The following MINDY1 variants were observed in gnomAD, a reference collection of about 807,000 sequenced individuals.
MINDY1 encodes the protein MINDY lysine 48 deubiquitinase 1, also known as ubiquitin carboxyl-terminal hydrolase MINDY-1.
In MINDY1, 50 loss-of-function variants were observed where a neutral mutation model predicts 53.6. The observed-to-expected ratio is 0.93, with a 90% CI of 0.74 to 1.18. The LOEUF (loss-of-function observed/expected upper bound fraction) is 1.18, where lower values mean the gene tolerates loss of function less well. Ranked by LOEUF, MINDY1 falls within the 50% of genes most tolerant of loss-of-function variation. The pLI is 0.00. For missense variants in MINDY1, 484 were observed against 578.6 expected (o/e 0.84, Z 1.68); for synonymous variants, 231 against 234.7 (o/e 0.98, Z 0.14).
In MINDY1 at chr1:150,999,973, G is replaced by A; in HGVS notation, c.736-9C>T. 1 of 1,605,106 alleles carries A rather than the reference G, an allele frequency of 6.2e-7. No individual in the cohort carries two copies. Among genetic ancestry groups the A allele is most frequent in the Non-Finnish European group, 8.5e-7 (1 of 1,174,638 alleles). ...CGCACAGCCTCAGGACTCTGCTTGG[G>A]TAGTGGGATGTGGGATACCAAAAAA... On this transcript the variant is annotated splice_polypyrimidine_tract_variant and intron_variant, in intron 5 of 9. Transcript: ENST00000683666. This position sits in a 1 kb window ranked among gnomAD's most constrained non-coding sequence, Gnocchi z 4.4.
At chr1:151,000,252 A>G (rs1233785742) in intron 5 of MINDY1, among the ~76,000 whole-genome samples, 2 of 152,062 alleles carry the variant, frequency 1.3e-5, no homozygotes, top group African/African-American at 2.4e-5. Context: ...GAACTGACCT[A>G]TTTGCATGTA....
At chr1:151,008,192 C>G, upstream of MINDY1, 2 of 1,069,534 alleles carry the variant, frequency 1.9e-6, no homozygotes, top group Non-Finnish European at 2.3e-6. Flanking sequence ...TTATACTTGG[C>G]CTGATCTGAG....
chr1:150,996,537 C>T (rs990947010), downstream of MINDY1: 3 of 151,394 alleles, frequency 2.0e-5, no homozygotes, highest in Non-Finnish European at 2.9e-5. Context: ...CAACAGATCT[C>T]AGGAAAGAAG....
chr1:151,003,046 T>C lies in MINDY1; in HGVS notation c.-89-340A>G, dbSNP rs140208435. The C allele has an allele frequency of 1.6e-4, 152 of 922,186 alleles. No individual in the cohort carries two copies. In the African/African-American group the frequency reaches 2.5e-3, roughly 15 times the overall value. The allele number at this position is 922,186 out of a possible 1,614,324, so 57.1% of individuals were successfully genotyped here. A position where few individuals can be genotyped will look rare whatever the true frequency, so the allele number is the denominator to read the frequency against. On this transcript the variant is annotated intron_variant, in intron 1 of 9. Transcript: ENST00000683666. ...ACAAAGGAGAAAGAAGGATAAGAGG[T>C]GGAGAAAGAAATGTTAAATCTACGC...
Position 151,002,073 on chromosome 1 carries a change from A to T in MINDY1, c.453+92T>A. ...AGGGAGAACAATCTGAAAAGTTTTG[A>T]CTAGTTTGAGGACATCAGGATGATC... On this transcript the variant is annotated intron_variant, in intron 2 of 9. Transcript: ENST00000683666. This position sits in a 1 kb window ranked among gnomAD's most constrained non-coding sequence, Gnocchi z 4.1. The T allele has an allele frequency of 7.8e-7, 1 of 1,287,310 alleles. No homozygotes were observed. The highest frequency in any genetic ancestry group is 1.1e-6 in the Non-Finnish European group (1 of 931,448). The allele number at this position is 1,287,310 out of a possible 1,614,324, so 79.7% of individuals were successfully genotyped here. A position where few individuals can be genotyped will look rare whatever the true frequency, so the allele number is the denominator to read the frequency against.
At chr1:151,006,915 G>A (rs1673296403), upstream of MINDY1, 2 of 985,110 alleles carry the variant, frequency 2.0e-6, no homozygotes, top group African/African-American at 3.5e-5. Flanking sequence ...TGAGAATAGG[G>A]AAGAGCAAGT....
Position 150,997,302 on chromosome 1 carries a change from G to A in MINDY1, c.1395C>T (p.Asp465=), listed in dbSNP as rs772684343. ...TGGGGCAGAGCTACAGCAGAATGCA[G>A]TCTGACTCGTGCTTCGGCCTCTGCC... ...ERRQRPKHES[D]CILL The change falls in exon 10 of 10, where the codon GAC becomes GAT. Residue 465 remains aspartate (D), a synonymous_variant. Transcript: ENST00000683666. 1 of 1,595,060 alleles carries A rather than the reference G, an allele frequency of 6.3e-7. No individual in the cohort carries two copies. Among genetic ancestry groups the A allele is most frequent in the Non-Finnish European group, 8.6e-7 (1 of 1,169,130 alleles).
chr1:151,005,430 T>G, intron 1 of MINDY1, among the ~76,000 whole-genome samples: 1 of 134,950 alleles, frequency 7.4e-6, no homozygotes. Context: ...CCAGCCTGGG[T>G]GACAAGAGTG....
intron 1 of MINDY1, chr1:151,005,988 G>T: frequency 7.3e-7 from 1 of 1,369,994 alleles, no homozygotes; most frequent in Non-Finnish European, 1.0e-6. Flanking sequence ...TTCCCTTACT[G>T]TCTCACACCA....
chr1:150,999,920 C>T lies in MINDY1; in HGVS notation c.780G>A (p.Gln260=). Residue 260 remains glutamine (Q), a synonymous_variant, in exon 6 of 10, where the codon CAG becomes CAA. Transcript: ENST00000683666. This position sits in a 1 kb window ranked among gnomAD's most constrained non-coding sequence, Gnocchi z 4.4. ...VRAVGKLSYN[Q]LVERIITCKH... is the part of the protein sequence containing the mutation. ...TGCAGGTGATGATCCTCTCCACCAG[C>T]TGGTTGTAACTCAGTTTCCCAACTG... 1 of 1,614,118 alleles carries T rather than the reference C, an allele frequency of 6.2e-7. No homozygotes were observed. Among genetic ancestry groups the T allele is most frequent in the Non-Finnish European group, 8.5e-7 (1 of 1,180,032 alleles).
At chr1:151,007,699 G>A (rs923220973), upstream of MINDY1, among the ~76,000 whole-genome samples, 1 of 152,156 alleles carries the variant, frequency 6.6e-6, no homozygotes, top group Non-Finnish European at 1.5e-5. Flanking sequence ...AATTTTTGAT[G>A]ATGAGTGTCC....
chr1:151,000,562 G>C lies in MINDY1; in HGVS notation c.630C>G (p.Val210=). ...VLPKLATGLD[V]NVRFTGVSDF... ...CAGAGACGCCTGTGAATCGCACATT[G>C]ACATCCAGACCTGTGGCCAGTTTAG... Residue 210 remains valine, a synonymous_variant, in exon 5 of 10, where the codon GTC becomes GTG. Coordinates refer to ENST00000683666, the MANE Select transcript of MINDY1 (RefSeq NM_001376665.1). The C allele has an allele frequency of 1.9e-6, 3 of 1,614,054 alleles. No homozygotes were observed. The highest frequency in any genetic ancestry group is 2.5e-6 in the Non-Finnish European group (3 of 1,180,016).
chr1:150,999,230 C>A lies in MINDY1; in HGVS notation c.981+139G>T. 2 of 1,259,322 alleles carry A rather than the reference C, an allele frequency of 1.6e-6. No homozygotes were observed. Among genetic ancestry groups the A allele is most frequent in the Non-Finnish European group, 2.2e-6 (2 of 892,222 alleles). 78.0% of individuals were successfully genotyped at this position (1,259,322 alleles called of 1,614,324 possible). ...ACACGCACCAGGAGCGGGAAATGAA[C>A]CTTTGTTGTGGTAAACCACAGGGAT... On this transcript the variant is annotated intron_variant, in intron 7 of 9. Coordinates refer to ENST00000683666, the MANE Select transcript of MINDY1 (RefSeq NM_001376665.1). The surrounding 1 kb of genome is among the most constrained non-coding windows in gnomAD (Gnocchi z 4.4).
chr1:151,001,014 C>A (rs1672508441), intron 4 of MINDY1, among the ~76,000 whole-genome samples: 1 of 152,200 alleles, frequency 6.6e-6, no homozygotes, highest in Middle Eastern at 3.4e-3. Flanking sequence ...TGGCCTCGAA[C>A]TCCTGGCCTC....
At chr1:151,005,781 A>T (rs1673129021) in intron 1 of MINDY1, among the ~76,000 whole-genome samples, 1 of 152,166 alleles carries the variant, frequency 6.6e-6, no homozygotes, top group Non-Finnish European at 1.5e-5. Context: ...GATAAATCAA[A>T]GTTTCATTCT....
At chr1:151,003,713 A>G (rs1036864047) in intron 1 of MINDY1, among the ~76,000 whole-genome samples, 5 of 151,308 alleles carry the variant, frequency 3.3e-5, no homozygotes, top group African/African-American at 1.2e-4. Flanking sequence ...GCCTGGACCC[A>G]GTAAGCATCT....
At position 151,002,205 on chromosome 1, in the gene MINDY1, G is replaced by A. The variant is rs765284042; in HGVS notation, c.413C>T (p.Pro138Leu). 2.5e-6 allele frequency: 4 copies of A among 1,613,494 alleles called. No homozygotes were observed. The highest frequency in any genetic ancestry group is 2.5e-6 in the Non-Finnish European group (3 of 1,179,730). Residue 138 changes from proline to leucine, a missense_variant, in exon 2 of 10, where the codon CCT (proline) becomes CTT (leucine). By Grantham distance (98) the Pro-to-Leu change is moderately conservative. Transcript: ENST00000683666. The surrounding 1 kb of genome is among the most constrained non-coding windows in gnomAD (Gnocchi z 4.1). The part of the protein sequence containing the change: ...IITQSTNGPC[P>L]LLAIMNILFL... ...GAGGATGTTCATGATGGCAAGGAGA[G>A]GGCAAGGGCCGTTAGTGCTCTGGGT...
chr1:151,002,394 G>A lies in MINDY1; in HGVS notation c.224C>T (p.Ser75Leu), dbSNP rs1481796100. Residue 75 changes from serine to leucine, a missense_variant, in exon 2 of 10, where the codon TCA becomes TTA. Coordinates refer to ENST00000683666, the MANE Select transcript of MINDY1 (RefSeq NM_001376665.1). This position sits in a 1 kb window ranked among gnomAD's most constrained non-coding sequence, Gnocchi z 4.1. Reference protein sequence around the residue: ...NLESPLPEASSAPPGPTLGTL... With the variant: ...NLESPLPEASLAPPGPTLGTL... ...CCCAAGGGTTGGCCCCGGTGGAGCTGAGCTAGCTTCAGGCAGAGGGGACTC... is the reference window on the plus strand; with the variant it reads ...CCCAAGGGTTGGCCCCGGTGGAGCTAAGCTAGCTTCAGGCAGAGGGGACTC... 1 of 1,614,040 alleles carries A rather than the reference G, an allele frequency of 6.2e-7. No homozygotes were observed. Among genetic ancestry groups the A allele is most frequent in the African/African-American group, 1.3e-5 (1 of 74,918 alleles).
In MINDY1 at chr1:150,997,257, G is replaced by T; in HGVS notation, c.*30C>A. On this transcript the variant is annotated 3_prime_UTR_variant, in exon 10 of 10. Transcript: ENST00000683666. ...CAACTAGCCATAGCCTCTGGAAGAA[G>T]GGGCAGGCCAGCCTGGCACTGGGGC... The T allele has an allele frequency of 7.0e-6, 11 of 1,565,234 alleles. No homozygotes were observed. The highest frequency in any genetic ancestry group is 6.9e-6 in the Non-Finnish European group (8 of 1,153,050).
Sources: gnomAD v4.1 joint callset for allele counts (sites outside exome capture counted in the v4.1 genomes callset) on GRCh38, gnomAD v4.1.1 for gene constraint, Gnocchi (gnomAD v3.1) non-coding constraint, MANE v1.5 for transcripts, NCBI Gene and HGNC (gene_info 2026-07-23, HGNC 2026-07-21) for gene names.